The following SHROOM3 variants were observed in gnomAD, a reference collection of about 807,000 sequenced individuals.
SHROOM3 encodes protein Shroom3.
In SHROOM3, 47 loss-of-function variants were observed where a neutral mutation model predicts 138.6. The observed-to-expected ratio is 0.34, with a 90% CI of 0.27 to 0.43. The LOEUF (loss-of-function observed/expected upper bound fraction) is 0.43, where lower values mean the gene tolerates loss of function less well. SHROOM3 is among the 20% of genes least tolerant of loss of function. The probability of loss-of-function intolerance (pLI) is 1.00; values close to 1 mark genes in which losing one functional copy is unlikely to be tolerated. For missense variants in SHROOM3, 2,491 were observed against 2,596.5 expected (o/e 0.96, Z 0.88); for synonymous variants, 1,062 against 1,063.3 (o/e 1.00, Z 0.02).
intron 1 of SHROOM3, among the ~76,000 whole-genome samples, chr4:76,530,083 G>A (rs1399529224): frequency 1.3e-5 from 2 of 152,188 alleles, no homozygotes; most frequent in African/African-American, 4.8e-5. Context: ...TCAGTAATAT[G>A]CGGAGATCTA....
At chr4:76,633,575 T>C (rs933113316) in intron 2 of SHROOM3, among the ~76,000 whole-genome samples, 37 of 142,602 alleles carry the variant, frequency 2.6e-4, no homozygotes, top group African/African-American at 9.5e-4. Context: ...CAGAATGGCG[T>C]GAACCCGGGA....
intron 2 of SHROOM3, among the ~76,000 whole-genome samples, chr4:76,589,723 G>C (rs1577904022): frequency 6.6e-6 from 1 of 152,210 alleles, no homozygotes; most frequent in Non-Finnish European, 1.5e-5. Context: ...CTCCAGGGGC[G>C]GGGGTCCCAG....
intron 2 of SHROOM3, chr4:76,586,295 T>C (rs914038849): frequency 2.0e-6 from 2 of 985,650 alleles, no homozygotes; most frequent in Non-Finnish European, 2.4e-6. Flanking sequence ...CAGCTCTGTC[T>C]TCCTCGGGCT....
At chr4:76,717,711 T>A (rs1013721751) in intron 3 of SHROOM3, among the ~76,000 whole-genome samples, 47 of 152,098 alleles carry the variant, frequency 3.1e-4, no homozygotes, top group Non-Finnish European at 4.9e-4. Flanking sequence ...TCTAAAAAAA[T>A]TTTTTTAAGT....
chr4:76,704,457 G>A (rs561727825), intron 2 of SHROOM3, among the ~76,000 whole-genome samples: 4 of 152,350 alleles, frequency 2.6e-5, no homozygotes, highest in Admixed American at 6.5e-5. Flanking sequence ...GGCAGTCTCC[G>A]AGGAGGTGAT....
chr4:76,620,070 C>CAAAAAAAAAAAAAAA (rs68039696), intron 2 of SHROOM3, among the ~76,000 whole-genome samples: 3 of 61,088 alleles, frequency 4.9e-5, no homozygotes, highest in African/African-American at 1.2e-4. Flanking sequence ...GAATCTATCT[C>CAAAAAAAAAAAAAAA]AAAAAAAAAA....
rs1256129978 is a variant in SHROOM3, at chr4:76,477,588, A to G, written c.168+41368A>G. On this transcript the variant is annotated intron_variant, in intron 1 of 10. Coordinates refer to ENST00000296043, the MANE Select transcript of SHROOM3 (RefSeq NM_020859.4). The stretch of plus-strand genomic sequence containing the variant: ...ATAGGTGGTATATGTGTGTGCATAT[A>G]TATAGAAAATATATACATTTACCTA... Among the ~76,000 whole-genome samples the G allele has an allele frequency of 3.0e-4, 46 of 152,216 alleles. 1 individual carries two copies. Among genetic ancestry groups the G allele is most frequent in the Admixed American group, 2.9e-3 (45 of 15,276 alleles).
chr4:76,449,471 CT>C (rs1730879767), intron 1 of SHROOM3, among the ~76,000 whole-genome samples: 1 of 152,160 alleles, frequency 6.6e-6, no homozygotes, highest in African/African-American at 2.4e-5. Context: ...AACAGAATAA[CT>C]TTTTAACACT....
intron 10 of SHROOM3, 132 bp downstream of exon 10, chr4:76,771,030 G>T: frequency 8.4e-7 from 1 of 1,188,200 alleles, no homozygotes; most frequent in South Asian, 1.2e-5. Flanking sequence ...GAGAATACAT[G>T]TATAGGTAAC....
chr4:76,633,743 C>A (rs1343468726), intron 2 of SHROOM3, among the ~76,000 whole-genome samples: 1 of 150,808 alleles, frequency 6.6e-6, no homozygotes, highest in Non-Finnish European at 1.5e-5. Context: ...AGCAAAAAAT[C>A]TTCATTTTCT....
intron 2 of SHROOM3, among the ~76,000 whole-genome samples, chr4:76,646,752 G>A (rs1735830049): frequency 6.6e-6 from 1 of 152,096 alleles, no homozygotes; most frequent in Non-Finnish European, 1.5e-5. Context: ...TGGCAATTAT[G>A]AAAAGCACAA....
chr4:76,722,402 G>A (rs776188440), intron 3 of SHROOM3, among the ~76,000 whole-genome samples: 1 of 152,112 alleles, frequency 6.6e-6, no homozygotes, highest in African/African-American at 2.4e-5. Flanking sequence ...GCAAACTAAC[G>A]CAGGAACAGA....
chr4:76,746,354 TTTACTG>T (rs1402794338), intron 5 of SHROOM3, among the ~76,000 whole-genome samples: 1 of 152,230 alleles, frequency 6.6e-6, no homozygotes, highest in African/African-American at 2.4e-5. Flanking sequence ...ATACCATACT[TTTACTG>T]TATCTTCTCC....
At chr4:76,478,199 A>G (rs1461415239) in intron 1 of SHROOM3, among the ~76,000 whole-genome samples, 1 of 152,188 alleles carries the variant, frequency 6.6e-6, no homozygotes, top group Non-Finnish European at 1.5e-5. Context: ...TCCCACCCCC[A>G]TGGAGCCCAG....
At chr4:76,469,657 G>A (rs1016455610) in intron 1 of SHROOM3, among the ~76,000 whole-genome samples, 2 of 152,022 alleles carry the variant, frequency 1.3e-5, no homozygotes, top group Non-Finnish European at 1.5e-5. Flanking sequence ...GGGTTTCACC[G>A]GGTTGCCCAG....
At chr4:76,525,938 A>G (rs1732679693) in intron 1 of SHROOM3, among the ~76,000 whole-genome samples, 1 of 152,202 alleles carries the variant, frequency 6.6e-6, no homozygotes, top group East Asian at 1.9e-4. Flanking sequence ...GAATCTCCAG[A>G]GAAGCTTGAA....
chr4:76,589,688 A>G (rs1734224968), intron 2 of SHROOM3, among the ~76,000 whole-genome samples: 1 of 152,146 alleles, frequency 6.6e-6, no homozygotes, highest in Non-Finnish European at 1.5e-5. Context: ...CCACTAAAAC[A>G]TGTGTTCCAC....
intron 2 of SHROOM3, among the ~76,000 whole-genome samples, chr4:76,597,187 A>T (rs1345819330): frequency 6.6e-6 from 1 of 152,206 alleles, no homozygotes; most frequent in African/African-American, 2.4e-5. Context: ...TTTATTTCAG[A>T]TATACAAGTG....
At chr4:76,738,474 A>G (rs1395975975) in intron 4 of SHROOM3, among the ~76,000 whole-genome samples, 1 of 152,158 alleles carries the variant, frequency 6.6e-6, no homozygotes, top group Non-Finnish European at 1.5e-5. Flanking sequence ...AAATCACATC[A>G]AAGTGCTGCC....
Sources: allele counts gnomAD v4.1 joint callset (sites outside exome capture counted in the v4.1 genomes callset), GRCh38; gene constraint gnomAD v4.1.1; transcripts MANE v1.5; gene names NCBI Gene and HGNC (gene_info 2026-07-23, HGNC 2026-07-21).